Variants in CCDC66 observed in about 807,000 individuals in gnomAD.
The protein encoded by CCDC66 is coiled-coil domain containing 66, also known as coiled-coil domain-containing protein 66.
Under a neutral mutation model 128.3 loss-of-function variants are expected in CCDC66, and 133 were observed. That is an observed-to-expected ratio of 1.04 (90% CI 0.90 to 1.20). CCDC66 has a LOEUF of 1.20. Ranked by LOEUF, CCDC66 falls within the 50% of genes most tolerant of loss-of-function variation. CCDC66 has a pLI of 0.00. For synonymous variants in CCDC66, 387 were observed against 357.0 expected (o/e 1.08, Z -0.95); for missense variants, 1,126 against 1,075.5 (o/e 1.05, Z -0.66).
chr3:56,620,496 C>G (rs1387655131), intron 17 of CCDC66: 1 of 152,222 alleles, frequency 6.6e-6, no homozygotes, highest in Non-Finnish European at 1.5e-5. Flanking sequence ...TATATACTCT[C>G]TGTACTTGAG....
intron 14 of CCDC66, 70 bp downstream of exon 14, chr3:56,617,675 C>A: frequency 6.6e-7 from 1 of 1,513,646 alleles, no homozygotes; most frequent in Non-Finnish European, 8.9e-7. Flanking sequence ...CATACGTATG[C>A]TTTGGTAAGG....
intron 10 of CCDC66, among the ~76,000 whole-genome samples, chr3:56,610,209 A>G (rs1322671435): frequency 6.6e-6 from 1 of 152,180 alleles, no homozygotes; most frequent in African/African-American, 2.4e-5. Context: ...AGGAACACCA[A>G]TTATTCTTAG....
rs200785367 is a variant in CCDC66 at position 56,619,547 on chromosome 3, T to TCTAA, written c.2635+23_2635+26dup. On this transcript the variant is annotated intron_variant, in intron 16 of 17. Transcript: ENST00000394672. ...CACAAGGTAAGTAAATATTAAGCATTCTAACTGTAAAAATTGAAGACCCAT... is the reference window on the plus strand; with the variant it reads ...CACAAGGTAAGTAAATATTAAGCATTCTAACTAACTGTAAAAATTGAAGACCCAT... 19,839 of 1,569,004 alleles carry TCTAA rather than the reference T, an allele frequency of 0.013. 159 individuals carry two copies. Among genetic ancestry groups the TCTAA allele is most frequent in the Non-Finnish European group, 0.015 (17,802 of 1,163,108 alleles).
rs1383091204 is a variant in CCDC66, at chr3:56,617,939, A to G, written c.2338-233A>G. 7 of 581,804 alleles carry G rather than the reference A, an allele frequency of 1.2e-5. No individual in the cohort carries two copies. The Admixed American group carries it at 2.2e-4, about 18-fold the overall frequency. 36.0% of individuals were successfully genotyped at this position (581,804 alleles called of 1,614,324 possible). On this transcript the variant is annotated intron_variant, in intron 14 of 17. Transcript: ENST00000394672. ...CTGTAGATGGATGCTGTGTATTCAA[A>G]TACCCCTTTAAAACCCTTGTTTATA...
At chr3:56,598,155 TTTGTTTG>T (rs1559717188) in intron 10 of CCDC66, among the ~76,000 whole-genome samples, 1 of 3,088 alleles carries the variant, frequency 3.2e-4, no homozygotes, top group African/African-American at 4.1e-4. Context: ...TTTTGTTTTG[TTTGTTTG>T]TTTGTTTGTT....
intron 7 of CCDC66, among the ~76,000 whole-genome samples, chr3:56,592,608 G>C (rs2106928019): frequency 6.6e-6 from 1 of 151,026 alleles, no homozygotes; most frequent in East Asian, 2.0e-4. Context: ...CAAGTGATCT[G>C]CCCATGTCAG....
chr3:56,591,513 C>T (rs557658443), intron 7 of CCDC66, among the ~76,000 whole-genome samples: 2 of 152,220 alleles, frequency 1.3e-5, no homozygotes, highest in Non-Finnish European at 2.9e-5. Flanking sequence ...TTGCAAAACA[C>T]TTTCATAATG....
chr3:56,558,658 C>T (rs2064694235), intron 1 of CCDC66, 188 bp from the exon 2 acceptor site: 3 of 603,460 alleles, frequency 5.0e-6, no homozygotes, highest in African/African-American at 1.9e-5. Flanking sequence ...CAAGAATTTT[C>T]CCCCTGTAGT....
At chr3:56,557,494 C>T (rs1231903224) in intron 1 of CCDC66, among the ~76,000 whole-genome samples, 13 of 152,186 alleles carry the variant, frequency 8.5e-5, no homozygotes, top group Admixed American at 8.5e-4. Flanking sequence ...CAGTGATCCC[C>T]TTTCGGTCCC....
rs532924415 is a variant in CCDC66, at chr3:56,580,072, G to A, written c.936+8770G>A. 2.9e-4 allele frequency among the ~76,000 whole-genome samples: 44 copies of A among 151,800 alleles called. 1 individual carries two copies. The highest frequency in any genetic ancestry group is 1.1e-3 in the African/African-American group (44 of 41,402). On this transcript the variant is annotated intron_variant, in intron 7 of 17. Transcript: ENST00000394672. Reference sequence around the variant, plus strand: ...TCTCTTTGTAGGTCTCTAAGGACTTGCTTTATGAATCTGGGTGCTCCTGTA... The same window carrying A: ...TCTCTTTGTAGGTCTCTAAGGACTTACTTTATGAATCTGGGTGCTCCTGTA...
rs778901757 is a variant in CCDC66, at chr3:56,617,582, T to A, written c.2314T>A (p.Leu772Met). 3 of 1,604,806 alleles carry A rather than the reference T, an allele frequency of 1.9e-6. No homozygotes were observed. Among genetic ancestry groups the A allele is most frequent in the Non-Finnish European group, 2.5e-6 (3 of 1,177,470 alleles). ...ATCTCATCAAGAAACGGAGTCAAAGTTGAGGTGGCATCTAGTCAAAAAGGT... is the reference window on the plus strand; with the variant it reads ...ATCTCATCAAGAAACGGAGTCAAAGATGAGGTGGCATCTAGTCAAAAAGGT... ...HSSHQETESK[L>M]RWHLVKKEEE... Residue 772 changes from leucine (L) to methionine (M), a missense_variant, in exon 14 of 18, where the codon TTG becomes ATG. By Grantham distance (15) the Leu-to-Met change is conservative. Transcript: ENST00000394672.
chr3:56,573,788 C>T (rs1472939820), intron 7 of CCDC66, among the ~76,000 whole-genome samples: 1 of 151,782 alleles, frequency 6.6e-6, no homozygotes, highest in Non-Finnish European at 1.5e-5. Context: ...TTTCCCCATC[C>T]ACTCATGGCC....
chr3:56,617,678 T>G, intron 14 of CCDC66, 73 bp downstream of exon 14: 1 of 1,507,774 alleles, frequency 6.6e-7, no homozygotes, highest in Non-Finnish European at 8.9e-7. Context: ...ACGTATGCTT[T>G]GGTAAGGCTG....
In CCDC66 at chr3:56,582,532, C is replaced by A. The variant is rs146099397; in HGVS notation, c.937-10438C>A. Among the ~76,000 whole-genome samples, 1,096 of 151,816 alleles carry A rather than the reference C, an allele frequency of 7.2e-3. 17 individuals carry two copies. Among genetic ancestry groups the A allele is most frequent in the African/African-American group, 0.025 (1,039 of 41,508 alleles). The stretch of plus-strand genomic sequence containing the variant: ...TGCTATTTGGCCATCTTGGAACCTC[C>A]TCCGGAATTTTTTTAAATACCCTTT... On this transcript the variant is annotated intron_variant, in intron 7 of 17. Transcript: ENST00000394672.
In CCDC66 at chr3:56,618,181, C is replaced by T; in HGVS notation, c.2347C>T (p.Pro783Ser). ...RWHLVKKEEE[P>S]LNIHSFSKER... ...TCTATCCATATTTTAGGAAGAAGAG[C>T]CTCTGAATATTCATTCATTCAGCAA... Residue 783 changes from proline to serine, a missense_variant, in exon 15 of 18, where the codon CCT (proline) becomes TCT (serine). Pro to Ser is a moderately conservative substitution (Grantham distance 74). Transcript: ENST00000394672. 2 of 1,611,998 alleles carry T rather than the reference C, an allele frequency of 1.2e-6. No individual in the cohort carries two copies. Among genetic ancestry groups the T allele is most frequent in the Non-Finnish European group, 1.7e-6 (2 of 1,178,202 alleles).
chr3:56,569,383 C>T, intron 6 of CCDC66: 1 of 317,156 alleles, frequency 3.2e-6, no homozygotes, highest in Non-Finnish European at 6.6e-6. Context: ...AGCTTTTACT[C>T]ACGGTGGAAG....
rs937520688 is a variant in CCDC66 at position 56,576,514 on chromosome 3, G to A, written c.936+5212G>A. 9.3e-5 allele frequency among the ~76,000 whole-genome samples: 14 copies of A among 150,148 alleles called. 1 individual carries two copies. Among genetic ancestry groups the A allele is most frequent in the East Asian group, 4.1e-4 (2 of 4,892 alleles). On this transcript the variant is annotated intron_variant, in intron 7 of 17. Transcript: ENST00000394672. ...GTTGGTGTGCTGCACCCATTAACTC[G>A]TCATTTACATTAGATATACCTCCTA...
intron 17 of CCDC66, 157 bp downstream of exon 17, chr3:56,620,058 GGACTTTCCTAA>G (rs1417574787): frequency 2.8e-6 from 2 of 710,982 alleles, no homozygotes; most frequent in African/African-American, 1.8e-5. Flanking sequence ...AAATAAAATG[GGACTTTCCTAA>G]GACTTGCTTT....
chr3:56,603,645 G>C (rs962902203), intron 10 of CCDC66, among the ~76,000 whole-genome samples: 1 of 152,038 alleles, frequency 6.6e-6, no homozygotes, highest in Non-Finnish European at 1.5e-5. Context: ...ACTGTGGTCT[G>C]AGAGACTGTG....
Sources: gnomAD v4.1 joint callset for allele counts (sites outside exome capture counted in the v4.1 genomes callset) on GRCh38, gnomAD v4.1.1 for gene constraint, MANE v1.5 for transcripts, NCBI Gene and HGNC (gene_info 2026-07-23, HGNC 2026-07-21) for gene names.